Variants in KCNN2 observed in about 807,000 individuals in gnomAD.
KCNN2 encodes the protein small conductance calcium-activated potassium channel protein 2.
KCNN2 carries 24 observed loss-of-function variants against 55.5 expected under a neutral mutation model. That is an observed-to-expected ratio of 0.43 (90% CI 0.31 to 0.61). KCNN2 has a LOEUF of 0.61. Ranked by LOEUF, KCNN2 falls within the 20% of genes least tolerant of loss-of-function variation. KCNN2 has a pLI of 0.08. For missense variants in KCNN2, 754 were observed against 853.6 expected, an observed-to-expected ratio of 0.88 and a Z score of 1.45; for synonymous variants, 431 against 336.1, an observed-to-expected ratio of 1.28 and a Z score of -3.09.
rs555053238 is a variant in KCNN2 at position 114,279,217 on chromosome 5, C to T, written c.-185+57652C>T. ...TTCACATTCAGTCTATCAGCAAACC[C>T]AATTAGAAATACCTTCAAAATATAT... is the stretch of plus-strand genomic sequence containing the variant. On this transcript the variant is annotated intron_variant, in intron 2 of 10. Transcript: ENST00000512097. Among the ~76,000 whole-genome samples, 5 of 152,062 alleles carry T rather than the reference C, an allele frequency of 3.3e-5. No individual in the cohort carries two copies. The South Asian group carries it at 1.0e-3, about 32-fold the overall frequency.
At chr5:114,273,311 A>G (rs538991032) in intron 2 of KCNN2, among the ~76,000 whole-genome samples, 14 of 152,164 alleles carry the variant, frequency 9.2e-5, no homozygotes, top group East Asian at 3.9e-4. Flanking sequence ...AGTCTTTGCT[A>G]TCGTGACTAA....
intron 2 of KCNN2, among the ~76,000 whole-genome samples, chr5:114,394,584 A>G (rs1758562867): frequency 6.6e-6 from 1 of 152,232 alleles, no homozygotes; most frequent in African/African-American, 2.4e-5. Context: ...CTCCAAGGTT[A>G]TGGCCAGGTT....
Position 114,085,793 on chromosome 5 carries a change from C to T in KCNN2, c.-271+29293C>T, listed in dbSNP as rs577457486. Among the ~76,000 whole-genome samples the T allele has an allele frequency of 5.3e-5, 8 of 151,992 alleles. No homozygotes were observed. In the South Asian group the frequency reaches 1.7e-3, roughly 31 times the overall value. ...CTCCTTTATATTTACTAACTTTTGTCTTTGATTCCATCAGTTACTAAAAAA... is the reference window on the plus strand; with the variant it reads ...CTCCTTTATATTTACTAACTTTTGTTTTTGATTCCATCAGTTACTAAAAAA... On this transcript the variant is annotated intron_variant, in intron 1 of 10. Coordinates refer to the KCNN2 transcript ENST00000512097.
chr5:114,372,185 C>T (rs377062072), intron 2 of KCNN2, among the ~76,000 whole-genome samples: 2 of 152,094 alleles, frequency 1.3e-5, no homozygotes, highest in South Asian at 2.1e-4. Context: ...GAAACGTGGT[C>T]GATATTGGTG....
rs1443580616 is a variant in KCNN2, at chr5:114,220,076, A to T, written c.-270-1404A>T. ...ACAGGTAGCAGGTTGGATTAGGCCTACAGGTCATATAGTTGGCTACTCTTC... is the reference window on the plus strand; with the variant it reads ...ACAGGTAGCAGGTTGGATTAGGCCTTCAGGTCATATAGTTGGCTACTCTTC... On this transcript the variant is annotated intron_variant, in intron 1 of 10. Transcript: ENST00000512097. Among the ~76,000 whole-genome samples, 8 of 152,296 alleles carry T rather than the reference A, an allele frequency of 5.3e-5. No individual in the cohort carries two copies. In the East Asian group the frequency reaches 1.5e-3, roughly 29 times the overall value.
chr5:114,160,390 C>G (rs1752744417), intron 1 of KCNN2, among the ~76,000 whole-genome samples: 1 of 152,102 alleles, frequency 6.6e-6, no homozygotes. Flanking sequence ...AATTTCTATT[C>G]TTTTACATTT....
intron 2 of KCNN2, among the ~76,000 whole-genome samples, chr5:114,294,033 G>A (rs1367445700): frequency 1.3e-5 from 2 of 152,198 alleles, no homozygotes; most frequent in East Asian, 3.9e-4. Flanking sequence ...GGGATCGGTG[G>A]TGATATCCCC....
At chr5:114,179,001 CTTT>C (rs747504681) in intron 1 of KCNN2, among the ~76,000 whole-genome samples, 1 of 152,170 alleles carries the variant, frequency 6.6e-6, no homozygotes, top group Non-Finnish European at 1.5e-5. Context: ...CATCTGTAGG[CTTT>C]TTGAGATCCC....
chr5:114,057,264 C>T (rs1006239089), intron 1 of KCNN2: 2 of 152,184 alleles, frequency 1.3e-5, no homozygotes, highest in Non-Finnish European at 2.9e-5. Context: ...TGAACACCTG[C>T]TGTGTTTGTG....
intron 1 of KCNN2, among the ~76,000 whole-genome samples, chr5:114,134,306 T>C (rs1001671272): frequency 4.0e-5 from 6 of 151,196 alleles, no homozygotes; most frequent in Non-Finnish European, 8.8e-5. Flanking sequence ...CCTTAATATT[T>C]ATTGGGAAAC....
chr5:114,316,673 AT>A (rs1454218747), intron 2 of KCNN2, among the ~76,000 whole-genome samples: 2 of 152,246 alleles, frequency 1.3e-5, no homozygotes, highest in East Asian at 1.9e-4. Context: ...ATAAATGCAT[AT>A]GAAAAATGTA....
At chr5:114,398,953 G>A (rs187429338) in intron 2 of KCNN2, among the ~76,000 whole-genome samples, 1 of 152,262 alleles carries the variant, frequency 6.6e-6, no homozygotes, top group Non-Finnish European at 1.5e-5. Flanking sequence ...CAGAGACTAT[G>A]GAGTTTTCTA....
chr5:114,435,659 TA>T (rs1759980226), intron 3 of KCNN2, among the ~76,000 whole-genome samples: 1 of 152,160 alleles, frequency 6.6e-6, no homozygotes, highest in South Asian at 2.1e-4. Context: ...TAGATCATTA[TA>T]ATGTTATTTG....
At chr5:114,096,025 C>T (rs1316371956) in intron 1 of KCNN2, among the ~76,000 whole-genome samples, 1 of 152,068 alleles carries the variant, frequency 6.6e-6, no homozygotes, top group Non-Finnish European at 1.5e-5. Context: ...AGATCCTTTG[C>T]CATACCTTGA....
chr5:114,490,433 C>T (rs1420015668), intron 6 of KCNN2, among the ~76,000 whole-genome samples: 1 of 152,188 alleles, frequency 6.6e-6, no homozygotes, highest in East Asian at 1.9e-4. Context: ...TATGCATGCT[C>T]TTCCTTCTGA....
At chr5:114,113,817 C>G (rs1231476135) in intron 1 of KCNN2, among the ~76,000 whole-genome samples, 1 of 152,072 alleles carries the variant, frequency 6.6e-6, no homozygotes, top group African/African-American at 2.4e-5. Flanking sequence ...CAAAAACTTC[C>G]TCGCAGGAGG....
chr5:114,249,548 A>G (rs1427861320), intron 2 of KCNN2, among the ~76,000 whole-genome samples: 1 of 152,042 alleles, frequency 6.6e-6, no homozygotes, highest in Non-Finnish European at 1.5e-5. Context: ...CGGCCTCCCA[A>G]AGTGCTGGGG....
chr5:114,376,698 A>G (rs1214781745), intron 2 of KCNN2, among the ~76,000 whole-genome samples: 1 of 152,208 alleles, frequency 6.6e-6, no homozygotes, highest in Non-Finnish European at 1.5e-5. Flanking sequence ...GATGATTTTT[A>G]ATCTTTTTCT....
intron 1 of KCNN2, among the ~76,000 whole-genome samples, chr5:114,057,426 G>A (rs1255906710): frequency 6.6e-6 from 1 of 152,086 alleles, no homozygotes; most frequent in Non-Finnish European, 1.5e-5. Context: ...TTAGTAAGTG[G>A]GGGAACCGAG....
Sources: gnomAD v4.1 joint callset for allele counts (sites outside exome capture counted in the v4.1 genomes callset) on GRCh38, gnomAD v4.1.1 for gene constraint, MANE v1.5 for transcripts, NCBI Gene and HGNC (gene_info 2026-07-23, HGNC 2026-07-21) for gene names.